Variants in CLCN3 observed in about 807,000 individuals in gnomAD.
CLCN3 encodes H(+)/Cl(-) exchange transporter 3.
A neutral mutation model predicts 83.4 loss-of-function variants in CLCN3; 16 were observed. The observed-to-expected ratio is 0.19, with a 90% CI of 0.13 to 0.29. The LOEUF (loss-of-function observed/expected upper bound fraction) is 0.29, where lower values mean the gene tolerates loss of function less well. Among genes scored for constraint, CLCN3 ranks in the 10% least tolerant of loss-of-function variants. The pLI is 1.00. For synonymous variants in CLCN3, 322 were observed against 346.2 expected, an observed-to-expected ratio of 0.93 and a Z score of 0.78; for missense variants, 544 against 1,006.0, an observed-to-expected ratio of 0.54 and a Z score of 6.21.
At chr4:169,629,236 G>C (rs1385916404) in intron 1 of CLCN3, among the ~76,000 whole-genome samples, 1 of 151,898 alleles carries the variant, frequency 6.6e-6, no homozygotes, top group Non-Finnish European at 1.5e-5. Context: ...ATAGTTTTGC[G>C]AGATGTTCCC....
At chr4:169,694,841 A>G (rs1732505126) in intron 7 of CLCN3, among the ~76,000 whole-genome samples, 1 of 152,180 alleles carries the variant, frequency 6.6e-6, no homozygotes, top group Non-Finnish European at 1.5e-5. Context: ...CTCTGTCTCA[A>G]AAAAAATAAA....
chr4:169,631,797 A>C (rs1773378271), intron 1 of CLCN3, among the ~76,000 whole-genome samples: 2 of 152,208 alleles, frequency 1.3e-5, no homozygotes, highest in African/African-American at 4.8e-5. Context: ...TTATGAACAC[A>C]TCTGTAAACA....
intron 1 of CLCN3, among the ~76,000 whole-genome samples, chr4:169,625,976 G>A (rs1378358523): frequency 6.6e-6 from 1 of 152,196 alleles, no homozygotes; most frequent in African/African-American, 2.4e-5. Context: ...CCAATACGGT[G>A]TACCTGGAGG....
At chr4:169,700,662 A>T (rs1732750223) in intron 9 of CLCN3, among the ~76,000 whole-genome samples, 1 of 152,130 alleles carries the variant, frequency 6.6e-6, no homozygotes, top group African/African-American at 2.4e-5. Flanking sequence ...TTTTTAATTG[A>T]TTCATATAAA....
At chr4:169,699,832 A>C (rs1732707674) in intron 9 of CLCN3, among the ~76,000 whole-genome samples, 1 of 152,204 alleles carries the variant, frequency 6.6e-6, no homozygotes, top group African/African-American at 2.4e-5. Context: ...CAATGAGCCA[A>C]GATCACACCA....
intron 2 of CLCN3, among the ~76,000 whole-genome samples, chr4:169,664,495 CT>C (rs1731174748): frequency 6.6e-6 from 1 of 151,998 alleles, no homozygotes; most frequent in African/African-American, 2.4e-5. Flanking sequence ...GATTCAGATA[CT>C]TATTATATTT....
At chr4:169,687,231 C>T (rs545621565) in intron 3 of CLCN3, among the ~76,000 whole-genome samples, 83 of 152,160 alleles carry the variant, frequency 5.5e-4, no homozygotes, top group African/African-American at 1.9e-3. Flanking sequence ...ACAATCTAGG[C>T]CAGATTTTAT....
chr4:169,626,548 G>A (rs1773240177), intron 1 of CLCN3, among the ~76,000 whole-genome samples: 1 of 152,248 alleles, frequency 6.6e-6, no homozygotes, highest in Non-Finnish European at 1.5e-5. Context: ...TAAAGGGAAG[G>A]TCTTATGACC....
chr4:169,707,082 T>G lies in CLCN3; in HGVS notation c.1965T>G (p.Ala655=), dbSNP rs374712447. 1 of 1,614,108 alleles carries G rather than the reference T, an allele frequency of 6.2e-7. No homozygotes were observed. The change falls in exon 11 of 13, where the codon GCT becomes GCG. Residue 655 remains alanine (A), a synonymous_variant. Transcript: ENST00000513761. The part of the protein sequence containing the change: ...KEEFTHTTLA[A]DVMRPRRNDP... ...AATTCACTCATACCACCCTGGCTGC[T>G]GACGTTATGAGACCTCGAAGGAATG... is the stretch of plus-strand genomic sequence containing the variant.
chr4:169,687,188 A>G (rs1387211213), intron 3 of CLCN3, among the ~76,000 whole-genome samples: 1 of 152,214 alleles, frequency 6.6e-6, no homozygotes, highest in Admixed American at 6.5e-5. Flanking sequence ...GGTTATGTGT[A>G]CCAATTGAGG....
intron 2 of CLCN3, among the ~76,000 whole-genome samples, chr4:169,656,871 G>A (rs1026261237): frequency 6.6e-6 from 1 of 152,128 alleles, no homozygotes; most frequent in Admixed American, 6.5e-5. Flanking sequence ...GAGCTAGGGG[G>A]TCGAAGCTTC....
At chr4:169,658,402 T>A (rs945087722) in intron 2 of CLCN3, among the ~76,000 whole-genome samples, 9 of 152,016 alleles carry the variant, frequency 5.9e-5, no homozygotes, top group African/African-American at 1.7e-4. Context: ...AAGTTGTAGA[T>A]CAGGAAAAAC....
At chr4:169,669,726 C>G (rs925464478) in intron 2 of CLCN3, among the ~76,000 whole-genome samples, 6 of 152,158 alleles carry the variant, frequency 3.9e-5, no homozygotes, top group African/African-American at 1.4e-4. Flanking sequence ...TTACTTGATT[C>G]CCTTTTTTCT....
intron 3 of CLCN3, among the ~76,000 whole-genome samples, chr4:169,684,627 T>G (rs1732083887): frequency 6.6e-6 from 1 of 152,138 alleles, no homozygotes; most frequent in African/African-American, 2.4e-5. Flanking sequence ...CTGATTCCAT[T>G]GAAGGAAAAT....
chr4:169,622,993 C>T (rs1773145735), intron 1 of CLCN3, among the ~76,000 whole-genome samples: 2 of 152,174 alleles, frequency 1.3e-5, no homozygotes, highest in South Asian at 4.1e-4. Flanking sequence ...AACATTGTAG[C>T]TGTGATTCAT....
intron 9 of CLCN3, among the ~76,000 whole-genome samples, chr4:169,700,593 T>C (rs1732748181): frequency 1.3e-5 from 2 of 152,190 alleles, no homozygotes; most frequent in African/African-American, 4.8e-5. Context: ...ATCTTGCTTA[T>C]GGTGCTTCTT....
chr4:169,625,608 A>AGAACAC lies in CLCN3; in HGVS notation c.-17+4547_-17+4552dup, dbSNP rs1428438746. The stretch of plus-strand genomic sequence containing the variant: ...TCGACATATAATCCTAAAGTTGGAA[A>AGAACAC]GAACACGCTGGTCTTGAGTTCTGTG... On this transcript the variant is annotated intron_variant, in intron 1 of 12. Coordinates refer to ENST00000513761, the MANE Select transcript of CLCN3 (RefSeq NM_001829.4). Among the ~76,000 whole-genome samples the AGAACAC allele has an allele frequency of 1.1e-4, 17 of 152,332 alleles. No individual in the cohort carries two copies. The East Asian group carries it at 3.3e-3, about 29-fold the overall frequency.
intron 2 of CLCN3, among the ~76,000 whole-genome samples, chr4:169,649,276 G>A (rs569205667): frequency 2.2e-4 from 34 of 152,278 alleles, no homozygotes; most frequent in South Asian, 1.0e-3. Context: ...GGCTGAAGAC[G>A]TAGCTAAGCA....
At position 169,697,289 on chromosome 4, in the gene CLCN3, G is replaced by A. The variant is rs138459789; in HGVS notation, c.1118G>A (p.Arg373His). Residue 373 changes from arginine to histidine, a missense_variant, in exon 9 of 13, where the codon CGT becomes CAT. Arg to His is a conservative substitution (Grantham distance 29). Coordinates refer to ENST00000513761, the MANE Select transcript of CLCN3 (RefSeq NM_001829.4). ...TCCATCAATCCATTTGGTAACAGCC[G>A]TCTGGTCCTTTTTTATGTGGAGTAT... Reference protein sequence around the residue: ...LRSINPFGNSRLVLFYVEYHT... With the variant: ...LRSINPFGNSHLVLFYVEYHT... The A allele has an allele frequency of 5.4e-5, 87 of 1,613,836 alleles. No individual in the cohort carries two copies. The highest frequency in any genetic ancestry group is 6.7e-5 in the Non-Finnish European group (79 of 1,179,968).
Sources: allele counts gnomAD v4.1 joint callset (sites outside exome capture counted in the v4.1 genomes callset), GRCh38; gene constraint gnomAD v4.1.1; transcripts MANE v1.5; gene names NCBI Gene and HGNC (gene_info 2026-07-23, HGNC 2026-07-21).